AQR: variants seen among roughly 807,000 people sequenced by gnomAD.
AQR encodes the protein aquarius intron-binding spliceosomal factor.
A neutral mutation model predicts 180.5 loss-of-function variants in AQR; 61 were observed. That is an observed-to-expected ratio of 0.34 (90% confidence interval 0.28 to 0.42). The LOEUF (loss-of-function observed/expected upper bound fraction) is 0.42, where lower values mean the gene tolerates loss of function less well. Ranked by LOEUF, AQR falls within the 10% of genes least tolerant of loss-of-function variation. AQR has a pLI of 1.00. For synonymous variants in AQR, 551 were observed against 588.8 expected, an observed-to-expected ratio of 0.94 and a Z score of 0.93; for missense variants, 1,281 against 1,798.3, an observed-to-expected ratio of 0.71 and a Z score of 5.20.
chr15:34,917,751 G>A (rs1162233275), intron 15 of AQR, among the ~76,000 whole-genome samples: 1 of 151,772 alleles, frequency 6.6e-6, no homozygotes, highest in African/African-American at 2.4e-5. Context: ...GGGAGGCTGA[G>A]GTGGGCAGAT....
Position 34,942,016 on chromosome 15 carries a change from T to C in AQR, c.536A>G (p.Gln179Arg). The change falls in exon 7 of 35, where the codon CAG becomes CGG. Residue 179 changes from glutamine (Q) to arginine (R), a missense_variant. Physicochemically the swap from Gln to Arg is conservative, Grantham distance 43. This residue lies in a region of AQR where 404 missense variants were observed against 490.9 expected (regional missense o/e 0.82). Coordinates refer to ENST00000156471, the MANE Select transcript of AQR (RefSeq NM_014691.3). ...ACTCTGAAATTAGAGACTTACCAGCTGTAAGCCCATCCACATTGGGAGGGA... is the reference window on the plus strand; with the variant it reads ...ACTCTGAAATTAGAGACTTACCAGCCGTAAGCCCATCCACATTGGGAGGGA... ...LISLPMWMGL[Q>R]LARLELELKK... 6.2e-7 allele frequency: 1 copy of C among 1,611,348 alleles called. No homozygotes were observed. Among genetic ancestry groups the C allele is most frequent in the Non-Finnish European group, 8.5e-7 (1 of 1,178,116 alleles).
intron 27 of AQR, among the ~76,000 whole-genome samples, chr15:34,879,214 T>C (rs1464485272): frequency 1.3e-5 from 2 of 152,186 alleles, no homozygotes; most frequent in African/African-American, 2.4e-5. Flanking sequence ...ACAGAAATCC[T>C]TGAGTTTACA....
intron 5 of AQR, among the ~76,000 whole-genome samples, 199 bp from the exon 6 acceptor site, chr15:34,944,627 G>C (rs1894082079): frequency 1.3e-5 from 2 of 152,190 alleles, no homozygotes; most frequent in South Asian, 4.1e-4. Context: ...AGGACTATGA[G>C]AGAGCTGCAG....
At chr15:34,883,293 A>G (rs1472849179) in intron 26 of AQR, among the ~76,000 whole-genome samples, 2 of 152,196 alleles carry the variant, frequency 1.3e-5, no homozygotes, top group Admixed American at 1.3e-4. Flanking sequence ...CTGCAAGGAT[A>G]AGCCAGAACA....
At chr15:34,918,774 G>A (rs969139810) in intron 14 of AQR, among the ~76,000 whole-genome samples, 2 of 152,226 alleles carry the variant, frequency 1.3e-5, no homozygotes, top group African/African-American at 4.8e-5. Context: ...ATTAATCAAT[G>A]TAGGAAAAAA....
intron 5 of AQR, among the ~76,000 whole-genome samples, chr15:34,946,119 C>CTAA (rs1894108812): frequency 6.6e-6 from 1 of 151,868 alleles, no homozygotes; most frequent in South Asian, 2.1e-4. Context: ...AAAAATACAA[C>CTAA]AATTAGCTGG....
rs1226708322 is a variant in AQR, at chr15:34,933,676, G to GTAA, written c.783+892_783+894dup. 2.6e-5 allele frequency among the ~76,000 whole-genome samples: 4 copies of GTAA among 152,206 alleles called. No homozygotes were observed. In the East Asian group the frequency reaches 7.7e-4, roughly 29 times the overall value. On this transcript the variant is annotated intron_variant, in intron 10 of 34. Coordinates refer to ENST00000156471, the MANE Select transcript of AQR (RefSeq NM_014691.3). The stretch of plus-strand genomic sequence containing the variant: ...GACTCATGTTTAATAACTATACTAT[G>GTAA]TAATGTTTTTTCTACAAACAACAGC...
At chr15:34,908,122 G>C (rs1893446122) in intron 17 of AQR, among the ~76,000 whole-genome samples, 1 of 152,132 alleles carries the variant, frequency 6.6e-6, no homozygotes, top group African/African-American at 2.4e-5. Context: ...ATGTTTTATG[G>C]TATTTAGTTT....
intron 31 of AQR, 79 bp downstream of exon 31, chr15:34,870,673 G>T: frequency 8.3e-7 from 1 of 1,206,256 alleles, no homozygotes; most frequent in East Asian, 2.6e-5. Context: ...AGATAGCAAA[G>T]AGGCAAAGCA....
intron 14 of AQR, among the ~76,000 whole-genome samples, chr15:34,920,117 C>T (rs1038819949): frequency 6.6e-6 from 1 of 152,022 alleles, no homozygotes; most frequent in African/African-American, 2.4e-5. Context: ...AATGATTCAT[C>T]CAGAAAGTAG....
intron 9 of AQR, 81 bp downstream of exon 9, chr15:34,938,656 T>A: frequency 1.1e-6 from 1 of 897,446 alleles, no homozygotes; most frequent in Admixed American, 2.3e-5. Flanking sequence ...CCAAGAACAG[T>A]TTTTAGATTA....
chr15:34,944,002 C>G (rs186754065), intron 6 of AQR, among the ~76,000 whole-genome samples: 5 of 152,158 alleles, frequency 3.3e-5, no homozygotes, highest in Admixed American at 6.5e-5. Context: ...TTTGTGCTCT[C>G]CCTTTAGAGT....
At chr15:34,936,845 C>T (rs77388883) in intron 9 of AQR, among the ~76,000 whole-genome samples, 2,905 of 152,060 alleles carry the variant, frequency 0.019, 92 homozygotes, top group African/African-American at 0.067. Context: ...CCTAGATAAA[C>T]ATTCCATAGT....
intron 9 of AQR, among the ~76,000 whole-genome samples, chr15:34,937,638 C>T (rs1244269186): frequency 6.6e-6 from 1 of 151,794 alleles, no homozygotes; most frequent in African/African-American, 2.4e-5. Context: ...GATCCCAGCG[C>T]TTTGGGAGGC....
chr15:34,911,545 G>C (rs1044897730), intron 16 of AQR, among the ~76,000 whole-genome samples: 3 of 152,122 alleles, frequency 2.0e-5, no homozygotes, highest in Non-Finnish European at 4.4e-5. Context: ...TTGATGATTT[G>C]TGATGTGGAA....
intron 15 of AQR, among the ~76,000 whole-genome samples, chr15:34,915,637 A>G (rs1893570926): frequency 6.6e-6 from 1 of 151,648 alleles, no homozygotes; most frequent in Admixed American, 6.6e-5. Flanking sequence ...AGATTAATAA[A>G]TGTTGGCTAT....
intron 10 of AQR, 151 bp from the exon 11 acceptor site, chr15:34,932,585 C>T (rs921681718): frequency 4.0e-6 from 2 of 506,122 alleles, no homozygotes; most frequent in African/African-American, 2.0e-5. Context: ...CAAGAGGTCC[C>T]GTTCATGCTG....
At chr15:34,882,450 A>T in intron 27 of AQR, 52 bp downstream of exon 27, 2 of 1,362,832 alleles carry the variant, frequency 1.5e-6, no homozygotes, top group Non-Finnish European at 1.9e-6. Context: ...GAAGTGAGCC[A>T]ATCTCTGATA....
At chr15:34,911,780 A>G (rs1017055207) in intron 16 of AQR, among the ~76,000 whole-genome samples, 2 of 152,106 alleles carry the variant, frequency 1.3e-5, no homozygotes, top group Non-Finnish European at 2.9e-5. Flanking sequence ...GCTGTATAGA[A>G]ACTTTTCAGT....
Sources: allele counts gnomAD v4.1 joint callset (sites outside exome capture counted in the v4.1 genomes callset), GRCh38; gene constraint gnomAD v4.1.1; regional missense constraint gnomAD v4.1.1; transcripts MANE v1.5; gene names NCBI Gene and HGNC (gene_info 2026-07-23, HGNC 2026-07-21).